Variants in SERPINB2 observed in about 807,000 individuals in gnomAD.
The protein encoded by SERPINB2 is serpin family B member 2.
A neutral mutation model predicts 39.4 loss-of-function variants in SERPINB2; 28 were observed. The ratio of observed to expected loss-of-function variants is 0.71; its 90% CI spans 0.53 to 0.97. The LOEUF (loss-of-function observed/expected upper bound fraction) is 0.97. Ranked by LOEUF, SERPINB2 falls within the 50% of genes least tolerant of loss-of-function variation. The pLI, the probability that SERPINB2 is intolerant of heterozygous loss-of-function variation, is 0.00. For synonymous variants in SERPINB2, 209 were observed against 175.1 expected (o/e 1.19, Z -1.53); for missense variants, 557 against 505.3 (o/e 1.10, Z -0.98).
intron 5 of SERPINB2, among the ~76,000 whole-genome samples, chr18:63,898,834 G>T (rs1002810405): frequency 6.6e-6 from 1 of 152,164 alleles, no homozygotes; most frequent in African/African-American, 2.4e-5. Context: ...AATATGCAAA[G>T]GTCCAGAGGT....
At chr18:63,895,234 T>C in intron 2 of SERPINB2, 30 bp from the exon 3 acceptor site, 1 of 1,610,036 alleles carries the variant, frequency 6.2e-7, no homozygotes, top group East Asian at 2.2e-5. Context: ...CGTGGGCAAG[T>C]GTAACCGTTT....
rs1479587673 is a variant in SERPINB2 at position 63,897,172 on chromosome 18, G to A, written c.370G>A (p.Glu124Lys). ...TGCATCCACAGGGAATTATTTACTGGAAAGTGTCAATAAGCTGTTTGGTGA... is the reference window on the plus strand; with the variant it reads ...TGCATCCACAGGGAATTATTTACTGAAAAGTGTCAATAAGCTGTTTGGTGA... ...INASTGNYLL[E>K]SVNKLFGEKS... Residue 124 changes from glutamate to lysine, a missense_variant, in exon 4 of 8, where the codon GAA (glutamate) becomes AAA (lysine). Coordinates refer to ENST00000299502, the MANE Select transcript of SERPINB2 (RefSeq NM_002575.3). The A allele has an allele frequency of 3.7e-6, 6 of 1,613,220 alleles. No homozygotes were observed. Among genetic ancestry groups the A allele is most frequent in the Non-Finnish European group, 5.1e-6 (6 of 1,179,460 alleles).
Position 63,895,384 on chromosome 18 carries a change from G to A in SERPINB2, c.288+1G>A, listed in dbSNP as rs1195965615. The A allele has an allele frequency of 1.2e-6, 2 of 1,613,704 alleles. No individual in the cohort carries two copies. Among genetic ancestry groups the A allele is most frequent in the South Asian group, 2.2e-5 (2 of 91,000 alleles). On this transcript the variant is annotated splice_donor_variant, in intron 3 of 7. Coordinates refer to ENST00000299502, the MANE Select transcript of SERPINB2 (RefSeq NM_002575.3). LOFTEE classifies it high-confidence loss of function. ...TAGTTATCCTGATGCGATTTTGCAG[G>A]TATCTGACTTACTGGTCCAAATTTC...
At chr18:63,891,826 T>G (rs1175725872) in intron 2 of SERPINB2, among the ~76,000 whole-genome samples, 1 of 152,378 alleles carries the variant, frequency 6.6e-6, no homozygotes, top group South Asian at 2.1e-4. Flanking sequence ...TGAAGGCATA[T>G]GGGAGTTGAA....
intron 5 of SERPINB2, among the ~76,000 whole-genome samples, chr18:63,900,415 T>C (rs1433592638): frequency 6.6e-6 from 1 of 152,198 alleles, no homozygotes; most frequent in Non-Finnish European, 1.5e-5. Context: ...CAGGAAAGTA[T>C]TCAAGGGTGA....
chr18:63,902,819 A>G (rs1241177248), intron 7 of SERPINB2, 82 bp from the exon 8 acceptor site: 1 of 1,372,886 alleles, frequency 7.3e-7, no homozygotes, highest in Non-Finnish European at 9.7e-7. Context: ...CTGATTTTTA[A>G]TATTAGACTT....
chr18:63,894,689 G>C (rs2049947715), intron 2 of SERPINB2, among the ~76,000 whole-genome samples: 1 of 152,194 alleles, frequency 6.6e-6, no homozygotes, highest in Non-Finnish European at 1.5e-5. Context: ...ACTATACGAA[G>C]AGATTCACAG....
At chr18:63,890,935 T>C (rs1465081564) in intron 1 of SERPINB2, 1 of 154,844 alleles carries the variant, frequency 6.5e-6, no homozygotes, top group Non-Finnish European at 1.4e-5. Flanking sequence ...TCAATATGTG[T>C]ATATCTTCCT....
At chr18:63,900,927 G>C (rs1203624783) in intron 5 of SERPINB2, among the ~76,000 whole-genome samples, 1 of 152,116 alleles carries the variant, frequency 6.6e-6, no homozygotes, top group African/African-American at 2.4e-5. Context: ...TGCTAACCTG[G>C]TGGTGTCCTT....
chr18:63,889,973 C>T (rs768220246), intron 1 of SERPINB2: 2 of 151,926 alleles, frequency 1.3e-5, no homozygotes, highest in Non-Finnish European at 2.9e-5. Flanking sequence ...GCTCCACTAC[C>T]TACCAGCTGT....
intron 2 of SERPINB2, 138 bp from the exon 3 acceptor site, chr18:63,895,126 A>T: frequency 1.1e-6 from 1 of 918,546 alleles, no homozygotes; most frequent in Non-Finnish European, 1.6e-6. Flanking sequence ...AAGAGTATTG[A>T]GTATCTATGG....
At chr18:63,894,928 C>T (rs1333445325) in intron 2 of SERPINB2, among the ~76,000 whole-genome samples, 3 of 151,910 alleles carry the variant, frequency 2.0e-5, no homozygotes, top group Admixed American at 6.6e-5. Context: ...CTTTAAAATA[C>T]TGGCATTTTT....
At position 63,897,827 on chromosome 18, in the gene SERPINB2, T is replaced by C; in HGVS notation, c.518T>C (p.Val173Ala). The C allele has an allele frequency of 1.2e-6, 2 of 1,602,654 alleles. No individual in the cohort carries two copies. The highest frequency in any genetic ancestry group is 1.7e-6 in the Non-Finnish European group (2 of 1,171,224). Residue 173 changes from valine (V) to alanine (A), a missense_variant, in exon 5 of 8, where the codon GTC (valine) becomes GCC (alanine). Val to Ala is a moderately conservative substitution (Grantham distance 64, BLOSUM62 0). Transcript: ENST00000299502. ...EEARKKINSW[V>A]KTQTKGKIPN... ...GCTAGAAAAAAGATTAATTCCTGGG[T>C]CAAGACTCAAACCAAAGGTAAATCC...
rs780054808 is a variant in SERPINB2 at position 63,902,578 on chromosome 18, T to G, written c.843+10T>G. On this transcript the variant is annotated intron_variant, in intron 7 of 7. Coordinates refer to ENST00000299502, the MANE Select transcript of SERPINB2 (RefSeq NM_002575.3). ...CACTGGCTTGGAGCTGGTAAGACAT[T>G]CAGATATTTAAGTTTCTGGGGCTAT... 3 of 1,578,332 alleles carry G rather than the reference T, an allele frequency of 1.9e-6. No homozygotes were observed. The highest frequency in any genetic ancestry group is 2.6e-6 in the Non-Finnish European group (3 of 1,164,404).
chr18:63,901,426 C>T (rs892542751), intron 5 of SERPINB2, among the ~76,000 whole-genome samples: 2 of 152,074 alleles, frequency 1.3e-5, no homozygotes, highest in African/African-American at 4.8e-5. Flanking sequence ...CTTTCACTTC[C>T]CTCTGATTTG....
chr18:63,889,673 A>T (rs1307029042), intron 1 of SERPINB2, among the ~76,000 whole-genome samples: 4 of 152,116 alleles, frequency 2.6e-5, no homozygotes, highest in Non-Finnish European at 5.9e-5. Flanking sequence ...AATTATGAAG[A>T]CAATTTTAAG....
intron 5 of SERPINB2, among the ~76,000 whole-genome samples, chr18:63,899,170 T>G (rs1173726516): frequency 6.6e-6 from 1 of 152,218 alleles, no homozygotes; most frequent in Non-Finnish European, 1.5e-5. Flanking sequence ...TACTCTTTCC[T>G]GGAAGTGACT....
At chr18:63,898,743 A>C (rs2049975530) in intron 5 of SERPINB2, among the ~76,000 whole-genome samples, 1 of 152,100 alleles carries the variant, frequency 6.6e-6, no homozygotes, top group African/African-American at 2.4e-5. Context: ...AAAATGATTA[A>C]ATTGTAATTG....
intron 5 of SERPINB2, among the ~76,000 whole-genome samples, chr18:63,899,244 C>T (rs1382026509): frequency 6.6e-6 from 1 of 152,140 alleles, no homozygotes; most frequent in African/African-American, 2.4e-5. Context: ...CTTCACAAGT[C>T]ACATTAGTGT....
Sources: gnomAD v4.1 joint callset for allele counts (sites outside exome capture counted in the v4.1 genomes callset) on GRCh38, gnomAD v4.1.1 for gene constraint, MANE v1.5 for transcripts, NCBI Gene and HGNC (gene_info 2026-07-23, HGNC 2026-07-21) for gene names.